The following EIF2B3 variants were observed in gnomAD, a reference collection of about 807,000 sequenced individuals.
EIF2B3 encodes translation initiation factor eIF2B subunit gamma.
A neutral mutation model predicts 54.1 loss-of-function variants in EIF2B3; 20 were observed. That is an observed-to-expected ratio of 0.37 (90% CI 0.26 to 0.54). The LOEUF (loss-of-function observed/expected upper bound fraction) is 0.54, where lower values mean the gene tolerates loss of function less well. Among genes scored for constraint, EIF2B3 ranks in the 20% least tolerant of loss-of-function variants. The pLI is 0.86. For synonymous variants in EIF2B3, 153 were observed against 188.1 expected (o/e 0.81, Z 1.52); for missense variants, 448 against 547.8 (o/e 0.82, Z 1.82).
intron 11 of EIF2B3, among the ~76,000 whole-genome samples, chr1:44,853,138 T>G (rs1028215695): frequency 3.3e-5 from 5 of 151,822 alleles, no homozygotes; most frequent in Admixed American, 3.3e-4. Flanking sequence ...AATGATGCGG[T>G]GAAAGGTAAG....
chr1:44,974,115 A>C (rs186440693), intron 3 of EIF2B3, among the ~76,000 whole-genome samples: 132 of 152,270 alleles, frequency 8.7e-4, no homozygotes, highest in Non-Finnish European at 3.8e-4. Context: ...GAAGGCCAAA[A>C]GTGAATGGAA....
At chr1:44,905,671 T>C (rs759462493) in intron 5 of EIF2B3, among the ~76,000 whole-genome samples, 1 of 152,204 alleles carries the variant, frequency 6.6e-6, no homozygotes, top group Non-Finnish European at 1.5e-5. Flanking sequence ...TATCAACTAA[T>C]TGGATGAGGC....
Position 44,926,617 on chromosome 1 carries a change from C to G in EIF2B3, c.566+11G>C. The G allele has an allele frequency of 6.2e-7, 1 of 1,608,696 alleles. No homozygotes were observed. The highest frequency in any genetic ancestry group is 8.5e-7 in the Non-Finnish European group (1 of 1,175,390). ...AGGAGAATTGCCAGAAGAAAAAACC[C>G]TAGGGCTTACTTCTGTAGGATGGAT... On this transcript the variant is annotated intron_variant, in intron 5 of 11. Transcript: ENST00000360403.
At chr1:44,923,869 T>G (rs1343852838) in intron 5 of EIF2B3, among the ~76,000 whole-genome samples, 1 of 151,700 alleles carries the variant, frequency 6.6e-6, no homozygotes, top group Non-Finnish European at 1.5e-5. Context: ...AGTAGTACAA[T>G]CATGGCTCAC....
intron 4 of EIF2B3, among the ~76,000 whole-genome samples, chr1:44,934,573 C>T (rs1328414757): frequency 6.6e-6 from 1 of 151,274 alleles, no homozygotes; most frequent in Non-Finnish European, 1.5e-5. Context: ...GTGGTGATCC[C>T]AGCTCACTAC....
chr1:44,941,676 G>C lies in EIF2B3; in HGVS notation c.295-11C>G, dbSNP rs1242991213. On this transcript the variant is annotated splice_polypyrimidine_tract_variant and intron_variant, in intron 3 of 11. Transcript: ENST00000360403. ...CACCAGCACATCTGTCTGTTAAATGGAGATGGGAAAAGTCAATATCATAAA... is the reference window on the plus strand; with the variant it reads ...CACCAGCACATCTGTCTGTTAAATGCAGATGGGAAAAGTCAATATCATAAA... The C allele has an allele frequency of 1.2e-6, 2 of 1,614,090 alleles. No homozygotes were observed. Among genetic ancestry groups the C allele is most frequent in the Non-Finnish European group, 1.7e-6 (2 of 1,180,024 alleles).
At chr1:44,866,649 G>A (rs576551065) in intron 10 of EIF2B3, among the ~76,000 whole-genome samples, 4 of 151,950 alleles carry the variant, frequency 2.6e-5, no homozygotes, top group South Asian at 2.1e-4. Context: ...CTGCCTCCCC[G>A]GTTTAAGCGA....
At chr1:44,941,995 C>T (rs1644029482) in intron 3 of EIF2B3, among the ~76,000 whole-genome samples, 1 of 152,070 alleles carries the variant, frequency 6.6e-6, no homozygotes. Context: ...TATATTTATA[C>T]ATCTCTTTAT....
At chr1:44,978,193 T>G (rs1348327716) in intron 3 of EIF2B3, 122 bp downstream of exon 3, 10 of 1,119,706 alleles carry the variant, frequency 8.9e-6, no homozygotes, top group Non-Finnish European at 1.3e-5. Context: ...ATCACACTAC[T>G]GCACTCCGGC....
intron 6 of EIF2B3, among the ~76,000 whole-genome samples, chr1:44,882,725 G>A (rs2148906395): frequency 6.7e-6 from 1 of 149,970 alleles, no homozygotes; most frequent in Non-Finnish European, 1.5e-5. Flanking sequence ...AGTGATTCTT[G>A]TGCTCCAGCC....
intron 5 of EIF2B3, among the ~76,000 whole-genome samples, chr1:44,906,952 T>A (rs757277329): frequency 2.6e-5 from 4 of 152,178 alleles, no homozygotes; most frequent in Non-Finnish European, 5.9e-5. Context: ...GTGCTTCCTA[T>A]CTGATTATTA....
At chr1:44,905,685 C>A (rs577793677) in intron 5 of EIF2B3, among the ~76,000 whole-genome samples, 76 of 152,220 alleles carry the variant, frequency 5.0e-4, no homozygotes, top group Middle Eastern at 6.8e-3. Context: ...ATGAGGCCCA[C>A]CCAGATTAGC....
chr1:44,919,501 C>T (rs773438154), intron 5 of EIF2B3, among the ~76,000 whole-genome samples: 4 of 152,128 alleles, frequency 2.6e-5, no homozygotes, highest in African/African-American at 9.7e-5. Context: ...AAACTAACTA[C>T]TTAAGTGCTC....
chr1:44,971,510 G>GT (rs1644399294), intron 3 of EIF2B3, among the ~76,000 whole-genome samples: 1 of 152,118 alleles, frequency 6.6e-6, no homozygotes, highest in Admixed American at 6.6e-5. Context: ...AAGCCTCCAA[G>GT]TATTAGAGGA....
chr1:44,968,896 CAA>C (rs61693975), intron 3 of EIF2B3, among the ~76,000 whole-genome samples: 232 of 136,172 alleles, frequency 1.7e-3, no homozygotes, highest in African/African-American at 3.1e-3. Context: ...AACTCCATCT[CAA>C]AAAAAAAAAA....
chr1:44,950,748 G>A (rs1421428882), intron 3 of EIF2B3, among the ~76,000 whole-genome samples: 1 of 152,106 alleles, frequency 6.6e-6, no homozygotes, highest in Non-Finnish European at 1.5e-5. Flanking sequence ...GAGTGCAATG[G>A]TGCGATCTTG....
chr1:44,881,667 T>G lies in EIF2B3; in HGVS notation c.729A>C (p.Gln243His), dbSNP rs1421264085. The G allele has an allele frequency of 1.9e-6, 3 of 1,614,092 alleles. No homozygotes were observed. The highest frequency in any genetic ancestry group is 2.5e-6 in the Non-Finnish European group (3 of 1,180,036). ...VRKQFSSASS[Q>H]QGQEEKEEDL... The stretch of plus-strand genomic sequence containing the variant: ...CCTCCTCTTTTTCTTCTTGTCCCTG[T>G]TGTGAGGAAGCTGAGGAAAACTGTT... Residue 243 changes from glutamine to histidine, a missense_variant, in exon 7 of 12, where the codon CAA becomes CAC. Gln to His is a conservative substitution (Grantham distance 24). Coordinates refer to ENST00000360403, the MANE Select transcript of EIF2B3 (RefSeq NM_020365.5). This position sits in a 1 kb window ranked among gnomAD's most constrained non-coding sequence, Gnocchi z 4.0.
At chr1:44,885,479 T>C (rs1345616003) in intron 6 of EIF2B3, among the ~76,000 whole-genome samples, 1 of 152,210 alleles carries the variant, frequency 6.6e-6, no homozygotes, top group Non-Finnish European at 1.5e-5. Flanking sequence ...ATAAAATCTC[T>C]GAAAAATAAT....
intron 5 of EIF2B3, among the ~76,000 whole-genome samples, chr1:44,903,855 C>T (rs779218021): frequency 6.6e-6 from 1 of 152,260 alleles, no homozygotes; most frequent in African/African-American, 2.4e-5. Context: ...GGATGGATCA[C>T]CTGAGGTCAG....
Sources: gnomAD v4.1 joint callset for allele counts (sites outside exome capture counted in the v4.1 genomes callset) on GRCh38, gnomAD v4.1.1 for gene constraint, Gnocchi (gnomAD v3.1) non-coding constraint, MANE v1.5 for transcripts, NCBI Gene and HGNC (gene_info 2026-07-23, HGNC 2026-07-21) for gene names.